SGK2: variants seen among roughly 807,000 people sequenced by gnomAD.
SGK2 encodes serum/glucocorticoid regulated kinase 2.
A neutral mutation model predicts 47.5 loss-of-function variants in SGK2; 36 were observed. The ratio of observed to expected loss-of-function variants is 0.76; its 90% CI spans 0.58 to 1.00. The LOEUF is 1.00. Ranked by LOEUF, SGK2 falls within the 50% of genes least tolerant of loss-of-function variation. The pLI is 0.00. For synonymous variants in SGK2, 157 were observed against 181.9 expected, an observed-to-expected ratio of 0.86 and a Z score of 1.10; for missense variants, 404 against 467.4, an observed-to-expected ratio of 0.86 and a Z score of 1.25.
chr20:43,561,593 T>C (rs1030481501), intron 1 of SGK2, among the ~76,000 whole-genome samples: 1 of 152,098 alleles, frequency 6.6e-6, no homozygotes, highest in African/African-American at 2.4e-5. Context: ...TTTCACCATG[T>C]TGGCCAGGAT....
chr20:43,580,121 T>C, intron 12 of SGK2, 60 bp downstream of exon 12: 1 of 1,065,528 alleles, frequency 9.4e-7, no homozygotes, highest in Non-Finnish European at 1.4e-6. Context: ...TTGCTATGCT[T>C]GCCAACTCTC....
chr20:43,572,184 C>A lies in SGK2; in HGVS notation c.597+47C>A. On this transcript the variant is annotated intron_variant, in intron 9 of 12. Coordinates refer to ENST00000373100, the MANE Select transcript of SGK2 (RefSeq NM_170693.3). The surrounding 1 kb of genome is among the most constrained non-coding windows in gnomAD (Gnocchi z 4.2). The stretch of plus-strand genomic sequence containing the variant: ...GAGGGGAGGTCATGAGTGGGTGAGG[C>A]CACAGCTCCTGATTAGAGCCAACAG... 1 of 1,384,822 alleles carries A rather than the reference C, an allele frequency of 7.2e-7. No individual in the cohort carries two copies. The highest frequency in any genetic ancestry group is 1.2e-5 in the South Asian group (1 of 80,600). 85.8% of individuals were successfully genotyped at this position (1,384,822 alleles called of 1,614,324 possible).
In SGK2 at chr20:43,576,210, C is replaced by G. The variant is rs780194133; in HGVS notation, c.694-14C>G. The G allele has an allele frequency of 1.2e-6, 2 of 1,613,212 alleles. No individual in the cohort carries two copies. The highest frequency in any genetic ancestry group is 8.5e-7 in the Non-Finnish European group (1 of 1,179,346). ...GCATGGGTGATCCTCCAGCTGTTCT[C>G]CCTCTCTCCCCAGCCGCCCTTCTAC... On this transcript the variant is annotated splice_polypyrimidine_tract_variant and intron_variant, in intron 10 of 12. Coordinates refer to ENST00000373100, the MANE Select transcript of SGK2 (RefSeq NM_170693.3).
intron 9 of SGK2, among the ~76,000 whole-genome samples, chr20:43,573,871 C>A (rs997797182): frequency 6.6e-6 from 1 of 152,126 alleles, no homozygotes; most frequent in East Asian, 1.9e-4. Flanking sequence ...GGGACGGGAA[C>A]AAAGGATATG....
chr20:43,573,292 C>T (rs1980257500), intron 9 of SGK2, among the ~76,000 whole-genome samples: 1 of 152,190 alleles, frequency 6.6e-6, no homozygotes, highest in African/African-American at 2.4e-5. Context: ...AGTTCGACAC[C>T]AGCCTGGCCA....
chr20:43,583,567 C>T (rs1011790918), intron 12 of SGK2: 4 of 985,296 alleles, frequency 4.1e-6, no homozygotes, highest in Admixed American at 6.1e-5. Flanking sequence ...CAAGCCCTTC[C>T]CCTTCCTCAC....
intron 2 of SGK2, 78 bp downstream of exon 2, chr20:43,566,609 C>T: frequency 9.7e-7 from 1 of 1,031,392 alleles, no homozygotes; most frequent in South Asian, 1.5e-5. Context: ...GGGTCCCAGA[C>T]AATGTCAGGG....
intron 1 of SGK2, among the ~76,000 whole-genome samples, chr20:43,559,525 TCA>T (rs1241567573): frequency 6.6e-6 from 1 of 152,214 alleles, no homozygotes; most frequent in Non-Finnish European, 1.5e-5. Context: ...CTTGATCATG[TCA>T]CTTCCCTGTC....
chr20:43,561,377 A>G (rs1265354528), intron 1 of SGK2, among the ~76,000 whole-genome samples: 4 of 144,960 alleles, frequency 2.8e-5, no homozygotes, highest in South Asian at 2.2e-4. Context: ...ACCATGGTAG[A>G]GGCTTTGGAT....
In SGK2 at chr20:43,572,394, G is replaced by A. The variant is rs1792452285; in HGVS notation, c.597+257G>A. On this transcript the variant is annotated intron_variant, in intron 9 of 12. Coordinates refer to ENST00000373100, the MANE Select transcript of SGK2 (RefSeq NM_170693.3). This position sits in a 1 kb window ranked among gnomAD's most constrained non-coding sequence, Gnocchi z 4.2. ...CAGTAGAAATAGAAATAGAAACGCA[G>A]GCTGGGCACAGTGGCTCACGCCTGT... 1.3e-5 allele frequency among the ~76,000 whole-genome samples: 2 copies of A among 152,230 alleles called. No individual in the cohort carries two copies. Among genetic ancestry groups the A allele is most frequent in the African/African-American group, 2.4e-5 (1 of 41,446 alleles).
At chr20:43,562,627 G>T (rs957834872) in intron 1 of SGK2, among the ~76,000 whole-genome samples, 5 of 151,224 alleles carry the variant, frequency 3.3e-5, no homozygotes, top group Non-Finnish European at 7.4e-5. Context: ...TGTAATCCCA[G>T]CTACTCGGGA....
chr20:43,573,611 A>G (rs888173520), intron 9 of SGK2, among the ~76,000 whole-genome samples: 28 of 152,114 alleles, frequency 1.8e-4, no homozygotes, highest in South Asian at 2.1e-4. Context: ...GGCTGAGGCT[A>G]CAGACTGGGA....
In SGK2 at chr20:43,572,233, C is replaced by T; in HGVS notation, c.597+96C>T. ...AGGTTACAGTGAAGGGGACTCACTC[C>T]TTTGACCCAAACACTTCTCCTGAGT... On this transcript the variant is annotated intron_variant, in intron 9 of 12. Coordinates refer to ENST00000373100, the MANE Select transcript of SGK2 (RefSeq NM_170693.3). The surrounding 1 kb of genome is among the most constrained non-coding windows in gnomAD (Gnocchi z 4.2). 2.2e-6 allele frequency: 2 copies of T among 902,282 alleles called. No individual in the cohort carries two copies. Among genetic ancestry groups the T allele is most frequent in the East Asian group, 2.7e-5 (1 of 37,220 alleles). The allele number at this position is 902,282 out of a possible 1,614,324, so 55.9% of individuals were successfully genotyped here.
At chr20:43,583,997 GT>G (rs111977105) in intron 12 of SGK2, among the ~76,000 whole-genome samples, 54 of 151,198 alleles carry the variant, frequency 3.6e-4, no homozygotes, top group Non-Finnish European at 6.3e-4. Context: ...GATTCTATGT[GT>G]TTTTTTTTAA....
chr20:43,564,489 A>G (rs1979564787), intron 1 of SGK2, among the ~76,000 whole-genome samples: 1 of 150,962 alleles, frequency 6.6e-6, no homozygotes, highest in Non-Finnish European at 1.5e-5. Context: ...GCGTGCATGC[A>G]CGCGCGCACA....
At chr20:43,584,701 A>C in intron 12 of SGK2, 151 bp from the exon 13 acceptor site, 1 of 654,802 alleles carries the variant, frequency 1.5e-6, no homozygotes, top group Non-Finnish European at 2.7e-6. Flanking sequence ...TCAAATGATC[A>C]ATGTAAATGC....
intron 1 of SGK2, among the ~76,000 whole-genome samples, chr20:43,562,417 CAAAAAAAAAAAAAAAA>C (rs111670042): frequency 2.0e-5 from 1 of 49,938 alleles, no homozygotes; most frequent in African/African-American, 7.1e-5. Context: ...AACCATGTCT[CAAAAAAAAAAAAAAAA>C]AAAAAAAAAA....
rs761754478 is a variant in SGK2 at position 43,561,364 on chromosome 20, T to A, written c.-24+2205T>A. On this transcript the variant is annotated intron_variant, in intron 1 of 12. Transcript: ENST00000373100. ...AGCAAGCTAGGTCATATGGATCTCA[T>A]AAACCATGGTAGAGGCTTTGGATTT... is the stretch of plus-strand genomic sequence containing the variant. Among the ~76,000 whole-genome samples, 22 of 149,374 alleles carry A rather than the reference T, an allele frequency of 1.5e-4. 1 individual carries two copies. The highest frequency in any genetic ancestry group is 2.8e-4 in the Non-Finnish European group (19 of 67,622).
chr20:43,569,585 A>C, intron 6 of SGK2, 69 bp downstream of exon 6: 2 of 1,548,662 alleles, frequency 1.3e-6, no homozygotes, highest in Non-Finnish European at 1.8e-6. Context: ...CCACATGCCC[A>C]CTGCATGCCA....
Sources: allele counts gnomAD v4.1 joint callset (sites outside exome capture counted in the v4.1 genomes callset), GRCh38; gene constraint gnomAD v4.1.1; non-coding constraint Gnocchi (gnomAD v3.1); transcripts MANE v1.5; gene names NCBI Gene and HGNC (gene_info 2026-07-23, HGNC 2026-07-21).